MASP2: variants seen among roughly 807,000 people sequenced by gnomAD.
MASP2 encodes mannan-binding lectin serine protease 2.
A neutral mutation model predicts 57.1 loss-of-function variants in MASP2; 49 were observed. The observed-to-expected ratio is 0.86, with a 90% CI of 0.68 to 1.09. The LOEUF (loss-of-function observed/expected upper bound fraction) is 1.09, where lower values mean the gene tolerates loss of function less well. Among genes scored for constraint, MASP2 ranks in the 50% least tolerant of loss-of-function variants. The probability of loss-of-function intolerance (pLI) is 0.00; values close to 1 mark genes in which losing one functional copy is unlikely to be tolerated. For synonymous variants in MASP2, 379 were observed against 340.8 expected, an observed-to-expected ratio of 1.11 and a Z score of -1.24; for missense variants, 900 against 874.8, an observed-to-expected ratio of 1.03 and a Z score of -0.36.
At position 11,037,723 on chromosome 1, in the gene MASP2, G is replaced by A; in HGVS notation, c.978C>T (p.Ile326=). ...AKYILKDSFS[I]FCETGYELLQ... is the part of the protein sequence containing the mutation. ...GAAGCTCATAGCCAGTCTCGCAAAAGATGGAGAAGCTGTCTTTCAGGATGT... is the reference window on the plus strand; with the variant it reads ...GAAGCTCATAGCCAGTCTCGCAAAAAATGGAGAAGCTGTCTTTCAGGATGT... The change falls in exon 7 of 11, where the codon ATC becomes ATT. Residue 326 remains isoleucine (I), a synonymous_variant. Transcript: ENST00000400897. 1 of 1,612,064 alleles carries A rather than the reference G, an allele frequency of 6.2e-7. No homozygotes were observed. Among genetic ancestry groups the A allele is most frequent in the Non-Finnish European group, 8.5e-7 (1 of 1,179,398 alleles).
Position 11,045,544 on chromosome 1 carries a change from G to C in MASP2, c.413-5C>G. 3 of 1,602,648 alleles carry C rather than the reference G, an allele frequency of 1.9e-6. No individual in the cohort carries two copies. In the South Asian group the frequency reaches 3.3e-5, roughly 18 times the overall value. Reference sequence around the variant, plus strand: ...CCACCTGGCACTCGTCAATGTCTGGGGGAGAGGCAGGGCCAGGCAGGCCGT... The same window carrying C: ...CCACCTGGCACTCGTCAATGTCTGGCGGAGAGGCAGGGCCAGGCAGGCCGT... On this transcript the variant is annotated splice_region_variant and splice_polypyrimidine_tract_variant and intron_variant, in intron 3 of 10. Coordinates refer to ENST00000400897, the MANE Select transcript of MASP2 (RefSeq NM_006610.4).
chr1:11,045,362 G>A lies in MASP2; in HGVS notation c.544+46C>T, dbSNP rs111980172. 1.2e-5 allele frequency: 20 copies of A among 1,610,718 alleles called. No homozygotes were observed. The Admixed American group carries it at 3.3e-4, about 27-fold the overall frequency. On this transcript the variant is annotated intron_variant, in intron 4 of 10. Coordinates refer to ENST00000400897, the MANE Select transcript of MASP2 (RefSeq NM_006610.4). Reference sequence around the variant, plus strand: ...GCAGCAATGGCCCTGAGGAGCCCCGGGTATCCCAGGAGAGGGTGCGTTGGG... The same window carrying A: ...GCAGCAATGGCCCTGAGGAGCCCCGAGTATCCCAGGAGAGGGTGCGTTGGG...
intron 4 of MASP2, chr1:11,044,711 G>A: frequency 3.2e-6 from 4 of 1,258,534 alleles, no homozygotes; most frequent in Middle Eastern, 2.8e-4. Context: ...CAGACCTGGG[G>A]TTCATGAGGC....
At position 11,037,676 on chromosome 1, in the gene MASP2, A is replaced by T; in HGVS notation, c.1008+17T>A. The T allele has an allele frequency of 6.8e-7, 1 of 1,480,852 alleles. No homozygotes were observed. Among genetic ancestry groups the T allele is most frequent in the Non-Finnish European group, 9.3e-7 (1 of 1,069,544 alleles). 91.7% of individuals were successfully genotyped at this position (1,480,852 alleles called of 1,614,324 possible). On this transcript the variant is annotated intron_variant, in intron 7 of 10. Coordinates refer to ENST00000400897, the MANE Select transcript of MASP2 (RefSeq NM_006610.4). ...AAGCAATCGTCATTGATCGTGGTGT[A>T]CTTTGTTTTAACTCACTTGCAGAAG...
At chr1:11,031,862 A>G (rs1643851878) in intron 8 of MASP2, among the ~76,000 whole-genome samples, 2 of 152,164 alleles carry the variant, frequency 1.3e-5, no homozygotes, top group African/African-American at 2.4e-5. Flanking sequence ...GCAGTGAGCT[A>G]TGATCACACC....
At position 11,026,909 on chromosome 1, in the gene MASP2, G is replaced by A. The variant is rs763592564; in HGVS notation, c.2037C>T (p.Ile679=). 7 of 1,483,744 alleles carry A rather than the reference G, an allele frequency of 4.7e-6. No homozygotes were observed. The highest frequency in any genetic ancestry group is 2.4e-5 in the East Asian group (1 of 41,536). The allele number at this position is 1,483,744 out of a possible 1,614,324, so 91.9% of individuals were successfully genotyped here. The part of the protein sequence containing the change: ...YTKVINYIPW[I]ENIISDF ...GTTAAAAATCACTAATTATGTTCTC[G>A]ATCCAGGGAATATAGTTAATAACTT... The change falls in exon 11 of 11, where the codon ATC becomes ATT. Residue 679 remains isoleucine (I), a synonymous_variant. Coordinates refer to ENST00000400897, the MANE Select transcript of MASP2 (RefSeq NM_006610.4).
chr1:11,046,809 C>T, intron 2 of MASP2, 76 bp from the exon 3 acceptor site: 1 of 1,553,402 alleles, frequency 6.4e-7, no homozygotes, highest in Non-Finnish European at 8.7e-7. Context: ...CTGGCCCCTG[C>T]TCCCAGGTGT....
intron 4 of MASP2, chr1:11,044,855 A>T (rs1638577966): frequency 6.4e-7 from 1 of 1,558,500 alleles, no homozygotes. Flanking sequence ...GTTGGGGCAC[A>T]GCCATCTCAG....
chr1:11,043,292 G>T, intron 5 of MASP2, 47 bp downstream of exon 5: 1 of 1,522,346 alleles, frequency 6.6e-7, no homozygotes, highest in Non-Finnish European at 8.9e-7. Context: ...GTGCAGCTGG[G>T]CTGAGGGGGA....
rs2100901227 is a variant in MASP2 at position 11,043,001 on chromosome 1, G to A, written c.763C>T (p.His255Tyr). Residue 255 changes from histidine (H) to tyrosine (Y), a missense_variant, in exon 6 of 11, where the codon CAT (histidine) becomes TAT (tyrosine). His to Tyr is a moderately conservative substitution (Grantham distance 83). Transcript: ENST00000400897. ...AATGTCTTCCCACAGAATGGGCCAT[G>A]TTCTTCTCTGTCTGTTTGAATCTGA... ...FLKIQTDREE[H>Y]GPFCGKTLPH... The A allele has an allele frequency of 6.2e-7, 1 of 1,613,952 alleles. No individual in the cohort carries two copies. Among genetic ancestry groups the A allele is most frequent in the East Asian group, 2.2e-5 (1 of 44,882 alleles).
At position 11,043,244 on chromosome 1, in the gene MASP2, C is replaced by T. The variant is rs146947069; in HGVS notation, c.741+95G>A. 9.9e-5 allele frequency: 118 copies of T among 1,194,602 alleles called. No individual in the cohort carries two copies. The African/African-American group carries it at 1.5e-3, about 15-fold the overall frequency. The allele number at this position is 1,194,602 out of a possible 1,614,324, so 74.0% of individuals were successfully genotyped here. On this transcript the variant is annotated intron_variant, in intron 5 of 10. Coordinates refer to ENST00000400897, the MANE Select transcript of MASP2 (RefSeq NM_006610.4). ...AAGAGGTGGGGGTCACCGAGGGTGA[C>T]GGGAACGTGGTGGGGGCCATGCTGC...
At chr1:11,040,857 G>A (rs904331545) in intron 6 of MASP2, among the ~76,000 whole-genome samples, 2 of 151,270 alleles carry the variant, frequency 1.3e-5, no homozygotes, top group Non-Finnish European at 2.9e-5. Flanking sequence ...AGAATGGGTG[G>A]GTGGATGGAT....
intron 8 of MASP2, among the ~76,000 whole-genome samples, 172 bp from the exon 9 acceptor site, chr1:11,031,054 C>T (rs2100876687): frequency 6.6e-6 from 1 of 151,556 alleles, no homozygotes; most frequent in East Asian, 2.0e-4. Flanking sequence ...GGTTAAAAAG[C>T]CGAGCATGGT....
intron 6 of MASP2, 44 bp from the exon 7 acceptor site, chr1:11,037,855 A>T: frequency 2.6e-6 from 3 of 1,172,178 alleles, no homozygotes; most frequent in Non-Finnish European, 3.7e-6. Context: ...TGTGGTCTAC[A>T]GCAGCCAAGA....
chr1:11,027,277 C>A lies in MASP2; in HGVS notation c.1669G>T (p.Glu557Ter), dbSNP rs137990115. 2.5e-5 allele frequency: 41 copies of A among 1,613,832 alleles called. No individual in the cohort carries two copies. Among genetic ancestry groups the A allele is most frequent in the Non-Finnish European group, 3.0e-5 (35 of 1,179,888 alleles). Reference sequence around the variant, plus strand: ...TCTGTCCTCATAAAGGATTCAGCTTCTTTTCTTGGCAGACAAATAGGCGTG... The same window carrying A: ...TCTGTCCTCATAAAGGATTCAGCTTATTTTCTTGGCAGACAAATAGGCGTG... ...NITPICLPRK[E>*]AESFMRTDDI... The change falls in exon 11 of 11, where the codon GAA becomes TAA. Residue 557 changes from glutamate to a stop codon, truncating the protein, a stop_gained. Transcript: ENST00000400897. LOFTEE classifies it low-confidence loss of function (END_TRUNC).
At position 11,027,007 on chromosome 1, in the gene MASP2, A is replaced by G. The variant is rs768463195; in HGVS notation, c.1939T>C (p.Trp647Arg). The change falls in exon 11 of 11, where the codon TGG becomes CGG. Residue 647 changes from tryptophan (W) to arginine (R), a missense_variant. Coordinates refer to ENST00000400897, the MANE Select transcript of MASP2 (RefSeq NM_006610.4). Reference sequence around the variant, plus strand: ...CAGGACACTATTCCTCCCACAAACCACCTCTCTGTTTCACTATCTAGAAAC... The same window carrying G: ...CAGGACACTATTCCTCCCACAAACCGCCTCTCTGTTTCACTATCTAGAAAC... ...LVFLDSETER[W>R]FVGGIVSWGS... The G allele has an allele frequency of 1.9e-6, 3 of 1,598,120 alleles. No homozygotes were observed. Among genetic ancestry groups the G allele is most frequent in the Admixed American group, 3.5e-5 (2 of 57,388 alleles).
At chr1:11,045,299 A>C (rs1223672058) in intron 4 of MASP2, 109 bp downstream of exon 4, 1 of 1,524,662 alleles carries the variant, frequency 6.6e-7, no homozygotes, top group Non-Finnish European at 9.0e-7. Context: ...AGAAGCACCC[A>C]GTGTCCAGGG....
intron 4 of MASP2, chr1:11,044,790 G>C: frequency 2.0e-6 from 3 of 1,499,756 alleles, no homozygotes; most frequent in Non-Finnish European, 1.8e-6. Context: ...GAGACACGTG[G>C]CAGCAGGTGG....
intron 6 of MASP2, among the ~76,000 whole-genome samples, chr1:11,042,368 T>C (rs1638485362): frequency 6.9e-6 from 1 of 145,534 alleles, no homozygotes; most frequent in African/African-American, 2.6e-5. Context: ...AATGGATAGT[T>C]AGAAGGATGA....
Sources: gnomAD v4.1 joint callset for allele counts (sites outside exome capture counted in the v4.1 genomes callset) on GRCh38, gnomAD v4.1.1 for gene constraint, MANE v1.5 for transcripts, NCBI Gene and HGNC (gene_info 2026-07-23, HGNC 2026-07-21) for gene names.